LSM3: variants seen among roughly 807,000 people sequenced by gnomAD.
LSM3 encodes the protein LSM3 homolog, U6 small nuclear RNA and mRNA degradation associated.
LSM3 carries 14 observed loss-of-function variants against 15.4 expected under a neutral mutation model. The observed-to-expected ratio is 0.91, with a 90% CI of 0.60 to 1.42. The LOEUF (loss-of-function observed/expected upper bound fraction) is 1.42. LSM3 is among the 40% of genes most tolerant of loss of function. The pLI, the probability that LSM3 is intolerant of heterozygous loss-of-function variation, is 0.00. For missense variants in LSM3, 88 were observed against 127.9 expected (o/e 0.69, Z 1.50); for synonymous variants, 46 against 45.1 (o/e 1.02, Z -0.08).
chr3:14,187,108 A>G (rs1173301413), intron 3 of LSM3, among the ~76,000 whole-genome samples: 2 of 152,232 alleles, frequency 1.3e-5, no homozygotes, highest in Non-Finnish European at 2.9e-5. Context: ...CCATGTTTGC[A>G]GTGAACTAAC....
intron 1 of LSM3, among the ~76,000 whole-genome samples, chr3:14,179,420 C>T (rs999962132): frequency 6.6e-6 from 1 of 152,132 alleles, no homozygotes; most frequent in Non-Finnish European, 1.5e-5. Context: ...AACTGGTATG[C>T]AGAATAACAG....
At chr3:14,191,107 C>G (rs1697135171) in intron 3 of LSM3, among the ~76,000 whole-genome samples, 1 of 152,126 alleles carries the variant, frequency 6.6e-6, no homozygotes, top group African/African-American at 2.4e-5. Flanking sequence ...ATATGTTGAA[C>G]CAGCCTTGCA....
intron 1 of LSM3, among the ~76,000 whole-genome samples, chr3:14,179,583 T>C (rs1696995136): frequency 6.6e-6 from 1 of 152,234 alleles, no homozygotes; most frequent in African/African-American, 2.4e-5. Flanking sequence ...CTGCCTCATT[T>C]TTCTTCATAG....
chr3:14,190,034 A>G (rs1056410924), intron 3 of LSM3, among the ~76,000 whole-genome samples: 3 of 152,098 alleles, frequency 2.0e-5, no homozygotes, highest in African/African-American at 7.2e-5. Flanking sequence ...AGTTTTCCCA[A>G]CACCATTTAT....
At chr3:14,192,239 G>A (rs1208673512) in intron 3 of LSM3, among the ~76,000 whole-genome samples, 1 of 152,238 alleles carries the variant, frequency 6.6e-6, no homozygotes, top group African/African-American at 2.4e-5. Flanking sequence ...ATGTGGTGCT[G>A]AGAAGAATGT....
At chr3:14,190,394 A>G (rs1401125363) in intron 3 of LSM3, among the ~76,000 whole-genome samples, 3 of 152,050 alleles carry the variant, frequency 2.0e-5, no homozygotes, top group East Asian at 1.9e-4. Flanking sequence ...CAGTATGGCC[A>G]TTTTCATGAT....
chr3:14,185,180 GTC>G (rs1559391379), intron 3 of LSM3, among the ~76,000 whole-genome samples: 2 of 151,874 alleles, frequency 1.3e-5, no homozygotes, highest in African/African-American at 4.8e-5. Context: ...GCAAAACCCT[GTC>G]TCTACTAAAA....
intron 3 of LSM3, among the ~76,000 whole-genome samples, chr3:14,192,438 G>T (rs1292229760): frequency 6.6e-6 from 1 of 152,188 alleles, no homozygotes; most frequent in Admixed American, 6.5e-5. Flanking sequence ...AGGTCTCTAA[G>T]AACTTGTTTT....
At chr3:14,181,496 T>C (rs1697038044) in intron 1 of LSM3, 64 bp from the exon 2 acceptor site, 1 of 1,019,670 alleles carries the variant, frequency 9.8e-7, no homozygotes, top group African/African-American at 1.6e-5. Flanking sequence ...TCACACAGCA[T>C]AGCAGTGATT....
At chr3:14,186,281 A>G (rs140250382) in intron 3 of LSM3, among the ~76,000 whole-genome samples, 1 of 152,276 alleles carries the variant, frequency 6.6e-6, no homozygotes, top group African/African-American at 2.4e-5. Flanking sequence ...ACAAGACTAC[A>G]TGGATTCAAA....
chr3:14,194,871 T>C (rs1393032764), intron 3 of LSM3, among the ~76,000 whole-genome samples: 2 of 151,122 alleles, frequency 1.3e-5, no homozygotes, highest in African/African-American at 4.8e-5. Context: ...TCAGGAATTA[T>C]TTATCTGTAG....
In LSM3 at chr3:14,183,866, A is replaced by G. The variant is rs140995229; in HGVS notation, c.133-71A>G. 1.7e-4 allele frequency: 196 copies of G among 1,167,432 alleles called. No homozygotes were observed. The East Asian group carries it at 3.4e-3, about 20-fold the overall frequency. The allele number at this position is 1,167,432 out of a possible 1,614,324, so 72.3% of individuals were successfully genotyped here. A position where few individuals can be genotyped will look rare whatever the true frequency, so the allele number is the denominator to read the frequency against. On this transcript the variant is annotated intron_variant, in intron 2 of 3. Transcript: ENST00000306024. ...CCCTAGTTGTAATTGAGCAATTTGC[A>G]TATTGTTAAGCCTTTATCATTTTTG...
chr3:14,179,696 C>T (rs1696998477), intron 1 of LSM3, among the ~76,000 whole-genome samples: 1 of 152,088 alleles, frequency 6.6e-6, no homozygotes, highest in African/African-American at 2.4e-5. Flanking sequence ...TTTGTTCATT[C>T]TTTTGTCTTT....
intron 2 of LSM3, among the ~76,000 whole-genome samples, chr3:14,183,261 G>A (rs539128674): frequency 6.6e-6 from 1 of 152,226 alleles, no homozygotes; most frequent in Non-Finnish European, 1.5e-5. Flanking sequence ...CACGTTGTTA[G>A]AAGTAAACTT....
intron 3 of LSM3, among the ~76,000 whole-genome samples, chr3:14,194,179 G>A (rs1254235818): frequency 6.6e-6 from 1 of 152,202 alleles, no homozygotes; most frequent in Non-Finnish European, 1.5e-5. Flanking sequence ...GAGCTCTTCT[G>A]TATGAGGTGT....
chr3:14,180,820 CCTTTTT>C (rs1357813095), intron 1 of LSM3, among the ~76,000 whole-genome samples: 2 of 51,418 alleles, frequency 3.9e-5, no homozygotes, highest in Admixed American at 2.8e-4. Context: ...TGCTTGCTTG[CCTTTTT>C]TTTTTTTTTT....
rs373016709 is a variant in LSM3 at position 14,200,720 on chromosome 3, A to G, written c.*2604A>G. ...TGAGTATCCCAAGTTAAACTTAATCATTAGCTGCAAATGGACGATTTTCAA... is the reference window on the plus strand; with the variant it reads ...TGAGTATCCCAAGTTAAACTTAATCGTTAGCTGCAAATGGACGATTTTCAA... On this transcript the variant is annotated 3_prime_UTR_variant, in exon 4 of 4. Transcript: ENST00000306024. 6.6e-6 allele frequency: 1 copy of G among 152,216 alleles called. No homozygotes were observed. Among genetic ancestry groups the G allele is most frequent in the Non-Finnish European group, 1.5e-5 (1 of 68,032 alleles). 9.4% of individuals were successfully genotyped at this position (152,216 alleles called of 1,614,324 possible).
At chr3:14,181,846 CTTT>C (rs1321221005) in intron 2 of LSM3, among the ~76,000 whole-genome samples, 176 bp downstream of exon 2, 1 of 152,126 alleles carries the variant, frequency 6.6e-6, no homozygotes, top group Non-Finnish European at 1.5e-5. Context: ...AACATTTTTT[CTTT>C]TAATAGAAAT....
At chr3:14,180,580 G>T (rs967204896) in intron 1 of LSM3, among the ~76,000 whole-genome samples, 2 of 152,078 alleles carry the variant, frequency 1.3e-5, no homozygotes, top group Non-Finnish European at 2.9e-5. Context: ...GAGCCACCAC[G>T]CCCGGCCAAT....
Sources: gnomAD v4.1 joint callset for allele counts (sites outside exome capture counted in the v4.1 genomes callset) on GRCh38, gnomAD v4.1.1 for gene constraint, MANE v1.5 for transcripts, NCBI Gene and HGNC (gene_info 2026-07-23, HGNC 2026-07-21) for gene names.